The following CDH18 variants were observed in gnomAD, a reference collection of about 807,000 sequenced individuals.
The protein encoded by CDH18 is cadherin 18, also known as cadherin-18.
Under a neutral mutation model 67.9 loss-of-function variants are expected in CDH18, and 31 were observed. The ratio of observed to expected loss-of-function variants is 0.46; its 90% CI spans 0.34 to 0.62. The LOEUF (loss-of-function observed/expected upper bound fraction) is 0.62. Among genes scored for constraint, CDH18 ranks in the 20% least tolerant of loss-of-function variants. CDH18 has a pLI of 0.01. For synonymous variants in CDH18, 362 were observed against 347.2 expected (o/e 1.04, Z -0.48); for missense variants, 890 against 975.5 (o/e 0.91, Z 1.17).
chr5:19,798,585 T>A (rs182393437), intron 3 of CDH18, among the ~76,000 whole-genome samples: 17 of 152,100 alleles, frequency 1.1e-4, no homozygotes, highest in Admixed American at 9.2e-4. Context: ...TCATATTTCA[T>A]ATCATGAAAC....
intron 2 of CDH18, among the ~76,000 whole-genome samples, chr5:20,154,327 C>A (rs1751359016): frequency 6.6e-6 from 1 of 151,740 alleles, no homozygotes; most frequent in Non-Finnish European, 1.5e-5. Flanking sequence ...TTTTAATATT[C>A]TGCCAACACT....
intron 2 of CDH18, among the ~76,000 whole-genome samples, chr5:20,054,164 T>TA (rs1741699655): frequency 6.6e-6 from 1 of 152,136 alleles, no homozygotes; most frequent in African/African-American, 2.4e-5. Context: ...CATCTTTCTT[T>TA]AAAAATCTGT....
intron 5 of CDH18, among the ~76,000 whole-genome samples, chr5:19,711,396 T>A (rs1451582706): frequency 6.6e-6 from 1 of 150,638 alleles, no homozygotes; most frequent in Non-Finnish European, 1.5e-5. Flanking sequence ...ACTCATAAAC[T>A]ACAACAACAA....
At position 19,962,388 on chromosome 5, in the gene CDH18, A is replaced by AC; in HGVS notation, c.-257+18671_-257+18672insG. On this transcript the variant is annotated intron_variant, in intron 2 of 12. Coordinates refer to ENST00000382275, the MANE Select transcript of CDH18 (RefSeq NM_004934.5). ...ATAAACGTCAAAAAGCAAAAAAAAA[A>AC]AAAAAAAAGAAAATTCAATTCCTTT... Among the ~76,000 whole-genome samples, 5 of 145,438 alleles carry AC rather than the reference A, an allele frequency of 3.4e-5. 1 individual carries two copies. In the South Asian group the frequency reaches 8.9e-4, roughly 26 times the overall value.
chr5:20,327,446 C>T (rs1262803935), intron 1 of CDH18, among the ~76,000 whole-genome samples: 1 of 152,106 alleles, frequency 6.6e-6, no homozygotes, highest in Non-Finnish European at 1.5e-5. Flanking sequence ...CCATCTGCCT[C>T]ATTGCCTACT....
chr5:19,501,322 G>T (rs988086159), intron 11 of CDH18, among the ~76,000 whole-genome samples: 1 of 149,094 alleles, frequency 6.7e-6, no homozygotes, highest in Non-Finnish European at 1.5e-5. Flanking sequence ...GTGGGATTTG[G>T]CCAGGGGCAG....
intron 2 of CDH18, among the ~76,000 whole-genome samples, chr5:20,100,454 A>C (rs991740314): frequency 6.6e-6 from 1 of 152,184 alleles, no homozygotes; most frequent in African/African-American, 2.4e-5. Flanking sequence ...ATTTGCACCA[A>C]CCTAATATAT....
chr5:20,300,301 T>TGC (rs1447683005), intron 1 of CDH18, among the ~76,000 whole-genome samples: 2 of 68,938 alleles, frequency 2.9e-5, no homozygotes, highest in Non-Finnish European at 8.1e-5. Context: ...GTTGTGTGTG[T>TGC]GCGTGTGTGT....
chr5:19,680,708 A>G (rs928829607), intron 5 of CDH18, among the ~76,000 whole-genome samples: 1 of 152,044 alleles, frequency 6.6e-6, no homozygotes, highest in Non-Finnish European at 1.5e-5. Flanking sequence ...AATCAAAACC[A>G]TAATGAGGCA....
chr5:19,883,114 G>C (rs1414732324), intron 2 of CDH18, among the ~76,000 whole-genome samples: 3 of 152,150 alleles, frequency 2.0e-5, no homozygotes, highest in Non-Finnish European at 2.9e-5. Flanking sequence ...AGCCCCAAAT[G>C]CTGGCTCGAG....
intron 3 of CDH18, among the ~76,000 whole-genome samples, chr5:19,789,371 TATG>T (rs1316138326): frequency 6.6e-6 from 1 of 152,180 alleles, no homozygotes; most frequent in Non-Finnish European, 1.5e-5. Context: ...ATGCCTTGCA[TATG>T]ATAATTACTC....
chr5:20,435,929 C>T (rs1258816659), intron 1 of CDH18, among the ~76,000 whole-genome samples: 3 of 151,882 alleles, frequency 2.0e-5, no homozygotes, highest in Non-Finnish European at 4.4e-5. Flanking sequence ...ATTATCATCA[C>T]GTTTATATTG....
chr5:19,612,243 A>G (rs1043650631), intron 6 of CDH18, among the ~76,000 whole-genome samples, 191 bp downstream of exon 6: 2 of 152,148 alleles, frequency 1.3e-5, no homozygotes, highest in Non-Finnish European at 2.9e-5. Context: ...CACATTCCCA[A>G]TTATTTCCTA....
chr5:19,881,282 G>A (rs1231707190), intron 2 of CDH18, among the ~76,000 whole-genome samples: 8 of 152,024 alleles, frequency 5.3e-5, no homozygotes, highest in Admixed American at 5.2e-4. Flanking sequence ...TTTGTCTTAT[G>A]TGCTACCCAC....
At chr5:19,748,433 A>G (rs1770418263) in intron 3 of CDH18, among the ~76,000 whole-genome samples, 1 of 152,178 alleles carries the variant, frequency 6.6e-6, no homozygotes, top group Admixed American at 6.5e-5. Flanking sequence ...TTCTGCTATA[A>G]CACCAAAATT....
At chr5:20,501,505 T>TTTATATATATTATATACATA (rs1400721465) in intron 1 of CDH18, among the ~76,000 whole-genome samples, 14 of 13,086 alleles carry the variant, frequency 1.1e-3, no homozygotes, top group African/African-American at 1.9e-3. Flanking sequence ...ATATACATAT[T>TTTATATATATTATATACATA]TTATATATAT....
chr5:19,700,499 G>T (rs150907730), intron 5 of CDH18, among the ~76,000 whole-genome samples: 117 of 152,232 alleles, frequency 7.7e-4, no homozygotes, highest in African/African-American at 2.6e-3. Context: ...TTTTGTTTAA[G>T]TTATTTAAAT....
At chr5:19,689,955 A>G (rs576859855) in intron 5 of CDH18, among the ~76,000 whole-genome samples, 11 of 151,884 alleles carry the variant, frequency 7.2e-5, no homozygotes, top group African/African-American at 2.2e-4. Flanking sequence ...CAAGGTGATC[A>G]GAAGTAGTTA....
At chr5:19,896,833 A>G in intron 2 of CDH18, among the ~76,000 whole-genome samples, 1 of 152,336 alleles carries the variant, frequency 6.6e-6, no homozygotes, top group South Asian at 2.1e-4. Context: ...ATATTGCATT[A>G]TAACTTTACA....
Sources: gnomAD v4.1 joint callset for allele counts (sites outside exome capture counted in the v4.1 genomes callset) on GRCh38, gnomAD v4.1.1 for gene constraint, MANE v1.5 for transcripts, NCBI Gene and HGNC (gene_info 2026-07-23, HGNC 2026-07-21) for gene names.